The following TLE4 variants were observed in gnomAD, a reference collection of about 807,000 sequenced individuals.
TLE4 encodes TLE family member 4, transcriptional corepressor.
A neutral mutation model predicts 92.8 loss-of-function variants in TLE4; 8 were observed. The observed-to-expected ratio is 0.09, with a 90% confidence interval of 0.05 to 0.16. The LOEUF (loss-of-function observed/expected upper bound fraction) is 0.16. Among genes scored for constraint, TLE4 ranks in the 10% least tolerant of loss-of-function variants. TLE4 has a pLI of 1.00. For missense variants in TLE4, 675 were observed against 997.6 expected (o/e 0.68, Z 4.36); for synonymous variants, 371 against 374.1 (o/e 0.99, Z 0.10).
chr9:79,655,693 G>C (rs2059683965), intron 8 of TLE4, among the ~76,000 whole-genome samples: 1 of 151,966 alleles, frequency 6.6e-6, no homozygotes, highest in African/African-American at 2.4e-5. Flanking sequence ...TTTCACACAT[G>C]TGTACTTAGG....
At chr9:79,656,300 T>TA (rs1193325768) in intron 8 of TLE4, among the ~76,000 whole-genome samples, 5 of 152,212 alleles carry the variant, frequency 3.3e-5, no homozygotes, top group Non-Finnish European at 7.3e-5. Flanking sequence ...AGATGGTTTT[T>TA]ATCAGCCAGA....
chr9:79,657,129 T>C (rs2059894345), intron 8 of TLE4, among the ~76,000 whole-genome samples: 1 of 152,186 alleles, frequency 6.6e-6, no homozygotes, highest in Non-Finnish European at 1.5e-5. Flanking sequence ...CAGTGTGTGT[T>C]GTAGGGCTGT....
At position 79,723,513 on chromosome 9, in the gene TLE4, A is replaced by T. The variant is rs78680821; in HGVS notation, c.2214+478A>T. 9.7e-3 allele frequency among the ~76,000 whole-genome samples: 1,474 copies of T among 152,328 alleles called. 30 individuals are homozygous for T. Among genetic ancestry groups the T allele is most frequent in the African/African-American group, 0.033 (1,379 of 41,562 alleles). On this transcript the variant is annotated intron_variant, in intron 19 of 19. Coordinates refer to ENST00000376552, the MANE Select transcript of TLE4 (RefSeq NM_007005.6). Reference sequence around the variant, plus strand: ...CTATTGACTCAGTGGAACTTTGTATAGCTTGTGAAATTATTTGTAGAAGGA... The same window carrying T: ...CTATTGACTCAGTGGAACTTTGTATTGCTTGTGAAATTATTTGTAGAAGGA...
intron 6 of TLE4, chr9:79,649,922 TG>T (rs2058682475): frequency 7.6e-7 from 1 of 1,316,578 alleles, no homozygotes; most frequent in South Asian, 1.2e-5. Context: ...TTTTGTTTTT[TG>T]TTTTTTTTTT....
intron 14 of TLE4, 52 bp from the exon 15 acceptor site, chr9:79,718,670 A>C (rs1384489237): frequency 2.1e-5 from 33 of 1,565,478 alleles, no homozygotes; most frequent in Non-Finnish European, 2.8e-5. Flanking sequence ...TGAACAGTTA[A>C]GTGACATTTT....
At chr9:79,703,163 A>C (rs1179663009) in intron 8 of TLE4, among the ~76,000 whole-genome samples, 1 of 152,184 alleles carries the variant, frequency 6.6e-6, no homozygotes, top group Non-Finnish European at 1.5e-5. Context: ...TGCCAGACAG[A>C]GACGTTCCAG....
chr9:79,588,309 A>G (rs867114256), intron 4 of TLE4, among the ~76,000 whole-genome samples: 2 of 152,048 alleles, frequency 1.3e-5, no homozygotes, highest in Middle Eastern at 3.4e-3. Context: ...CACCACTCGC[A>G]GCTAACTTTT....
intron 11 of TLE4, 120 bp from the exon 12 acceptor site, chr9:79,707,998 C>A: frequency 9.5e-7 from 1 of 1,049,276 alleles, no homozygotes; most frequent in Non-Finnish European, 1.4e-6. Flanking sequence ...AAATCAAGGC[C>A]CAAGCTGAAG....
At chr9:79,586,845 A>G (rs567026861) in intron 4 of TLE4, among the ~76,000 whole-genome samples, 5 of 152,336 alleles carry the variant, frequency 3.3e-5, no homozygotes, top group Middle Eastern at 3.4e-3. Flanking sequence ...TAGTAGGTGT[A>G]TGTATTTATG....
At chr9:79,633,577 A>T (rs1315432350) in intron 6 of TLE4, among the ~76,000 whole-genome samples, 1 of 152,146 alleles carries the variant, frequency 6.6e-6, no homozygotes, top group African/African-American at 2.4e-5. Context: ...AGAGCTCGGC[A>T]GGCTGAGCTT....
intron 8 of TLE4, among the ~76,000 whole-genome samples, chr9:79,680,659 C>CTT (rs1490246567): frequency 6.6e-6 from 1 of 152,152 alleles, no homozygotes; most frequent in Non-Finnish European, 1.5e-5. Context: ...ACTTCCAACA[C>CTT]TATGTTGACT....
intron 4 of TLE4, among the ~76,000 whole-genome samples, chr9:79,587,817 A>G (rs933917093): frequency 6.6e-6 from 1 of 152,220 alleles, no homozygotes; most frequent in Non-Finnish European, 1.5e-5. Flanking sequence ...TATCTTGGGC[A>G]AGTGTTAGTG....
At chr9:79,658,612 G>A (rs1246514694) in intron 8 of TLE4, among the ~76,000 whole-genome samples, 3 of 152,194 alleles carry the variant, frequency 2.0e-5, no homozygotes, top group Non-Finnish European at 4.4e-5. Context: ...TTCAGGCCAA[G>A]AAAGCACTTT....
At chr9:79,668,789 A>G (rs1237462898) in intron 8 of TLE4, 50 of 984,928 alleles carry the variant, frequency 5.1e-5, no homozygotes, top group Non-Finnish European at 5.9e-5. Flanking sequence ...TTTGCTTTAA[A>G]CAAAATACTC....
At chr9:79,686,093 A>G (rs963592145) in intron 8 of TLE4, among the ~76,000 whole-genome samples, 3 of 152,254 alleles carry the variant, frequency 2.0e-5, no homozygotes, top group East Asian at 1.9e-4. Flanking sequence ...ATTATAAACT[A>G]GAGATGATTT....
chr9:79,572,951 G>C (rs2036239274), intron 1 of TLE4, 116 bp downstream of exon 1: 1 of 1,140,874 alleles, frequency 8.8e-7, no homozygotes, highest in Non-Finnish European at 1.2e-6. Flanking sequence ...GCCCGAAATC[G>C]GCGCCCCGCG....
At chr9:79,688,293 C>T (rs1009664666) in intron 8 of TLE4, among the ~76,000 whole-genome samples, 1 of 152,144 alleles carries the variant, frequency 6.6e-6, no homozygotes, top group African/African-American at 2.4e-5. Context: ...CTTCAGGTTA[C>T]ATAGTTTTTG....
At chr9:79,677,194 G>A (rs2135113050) in intron 8 of TLE4, among the ~76,000 whole-genome samples, 1 of 152,244 alleles carries the variant, frequency 6.6e-6, no homozygotes, top group East Asian at 1.9e-4. Flanking sequence ...TGTAATTGCA[G>A]AGTGCCTGGC....
intron 6 of TLE4, chr9:79,627,654 G>C (rs1229449924): frequency 3.4e-6 from 2 of 586,288 alleles, no homozygotes; most frequent in Non-Finnish European, 6.1e-6. Context: ...AAGTGGATGT[G>C]TTCATGAAAA....
Sources: allele counts gnomAD v4.1 joint callset (sites outside exome capture counted in the v4.1 genomes callset), GRCh38; gene constraint gnomAD v4.1.1; transcripts MANE v1.5; gene names NCBI Gene and HGNC (gene_info 2026-07-23, HGNC 2026-07-21).